Variants in SLC25A30 observed in about 807,000 individuals in gnomAD.
The protein encoded by SLC25A30 is kidney mitochondrial carrier protein 1.
Under a neutral mutation model 42.7 loss-of-function variants are expected in SLC25A30, and 29 were observed. The observed-to-expected ratio is 0.68, with a 90% confidence interval of 0.51 to 0.93. The LOEUF (loss-of-function observed/expected upper bound fraction) is 0.93. Among genes scored for constraint, SLC25A30 ranks in the 40% least tolerant of loss-of-function variants. The probability of loss-of-function intolerance (pLI) is 0.00; values close to 1 mark genes in which losing one functional copy is unlikely to be tolerated. For synonymous variants in SLC25A30, 124 were observed against 131.0 expected, an observed-to-expected ratio of 0.95 and a Z score of 0.37; for missense variants, 300 against 359.7, an observed-to-expected ratio of 0.83 and a Z score of 1.34.
chr13:45,416,873 G>A (rs1225133927), intron 1 of SLC25A30, among the ~76,000 whole-genome samples: 2 of 152,182 alleles, frequency 1.3e-5, no homozygotes, highest in African/African-American at 2.4e-5. Context: ...TATATGCTAA[G>A]TTACACATCC....
the SLC25A30 span, among the ~76,000 whole-genome samples, chr13:45,432,477 A>G: frequency 6.6e-6 from 1 of 152,130 alleles, no homozygotes; most frequent in Non-Finnish European, 1.5e-5. Context: ...TCATTATTCC[A>G]CACATCTCTT....
intron 5 of SLC25A30, 139 bp from the exon 6 acceptor site, chr13:45,402,509 G>C (rs1487178136): frequency 7.2e-6 from 5 of 691,806 alleles, no homozygotes; most frequent in Non-Finnish European, 1.2e-5. Flanking sequence ...TATAAATACT[G>C]CTATGATGCT....
At chr13:45,425,061 A>AGTATATATATAAATATATAAATATATAT in the SLC25A30 span, among the ~76,000 whole-genome samples, 166 of 4,784 alleles carry the variant, frequency 0.035, 40 homozygotes, top group Middle Eastern at 0.5. Context: ...TAAATATATA[A>AGTATATATATAAATATATAAATATATAT]GTATATATAC....
At chr13:45,398,663 A>G (rs2137627416) in intron 8 of SLC25A30, 1 of 272,648 alleles carries the variant, frequency 3.7e-6, no homozygotes, top group East Asian at 8.6e-5. Context: ...TACTAGTTTG[A>G]CCCAACAGGA....
chr13:45,401,565 C>T (rs1037863293), intron 6 of SLC25A30, among the ~76,000 whole-genome samples: 7 of 151,812 alleles, frequency 4.6e-5, no homozygotes, highest in Non-Finnish European at 1.0e-4. Context: ...CACTCTACAC[C>T]ACATGCTTGC....
intron 7 of SLC25A30, among the ~76,000 whole-genome samples, chr13:45,400,456 C>T (rs1434680843): frequency 5.3e-5 from 8 of 152,078 alleles, no homozygotes; most frequent in African/African-American, 1.7e-4. Context: ...AGTACTGACA[C>T]GAAGTCTGTA....
chr13:45,403,433 A>T (rs1174320772), intron 5 of SLC25A30, among the ~76,000 whole-genome samples: 1 of 152,216 alleles, frequency 6.6e-6, no homozygotes, highest in Non-Finnish European at 1.5e-5. Context: ...GTGGGGCAGA[A>T]AAAGAAAAGA....
the SLC25A30 span, among the ~76,000 whole-genome samples, chr13:45,423,741 A>AACATATATAAATATATATAAAT: frequency 8.1e-4 from 16 of 19,640 alleles, 1 homozygote; most frequent in South Asian, 1.9e-3. Context: ...AATATATATA[A>AACATATATAAATATATATAAAT]ATATATAAAT....
intron 1 of SLC25A30, among the ~76,000 whole-genome samples, chr13:45,414,635 T>TACACAC (rs145462442): frequency 0.083 from 11,646 of 139,916 alleles, 549 homozygotes; most frequent in African/African-American, 0.12. Context: ...CACACACACA[T>TACACAC]ACACACACAC....
At position 45,404,322 on chromosome 13, in the gene SLC25A30, C is replaced by T; in HGVS notation, c.393+5G>A. On this transcript the variant is annotated splice_donor_5th_base_variant and intron_variant, in intron 5 of 9. Transcript: ENST00000519676. ...TGCCTATAAGATATAGATAGCACAG[C>T]TTACTTTCAAAACATCAGTTGGATT... 1 of 1,602,254 alleles carries T rather than the reference C, an allele frequency of 6.2e-7. No homozygotes were observed. Among genetic ancestry groups the T allele is most frequent in the Non-Finnish European group, 8.6e-7 (1 of 1,169,458 alleles).
chr13:45,395,357 A>G lies in SLC25A30; in HGVS notation c.*617T>C. 1 of 986,626 alleles carries G rather than the reference A, an allele frequency of 1.0e-6. No individual in the cohort carries two copies. The highest frequency in any genetic ancestry group is 1.7e-5 in the African/African-American group (1 of 57,376). The allele number at this position is 986,626 out of a possible 1,614,324, so 61.1% of individuals were successfully genotyped here. A position where few individuals can be genotyped will look rare whatever the true frequency, so the allele number is the denominator to read the frequency against. ...TTATTACTTTGTAACAATTTCTCACAAATGTCAAGTCTTCAAAGCTTAAAA... is the reference window on the plus strand; with the variant it reads ...TTATTACTTTGTAACAATTTCTCACGAATGTCAAGTCTTCAAAGCTTAAAA... On this transcript the variant is annotated 3_prime_UTR_variant, in exon 10 of 10. Coordinates refer to ENST00000519676, the MANE Select transcript of SLC25A30 (RefSeq NM_001010875.4).
chr13:45,425,674 G>GTATATATAAATATATATATAAGTA, the SLC25A30 span, among the ~76,000 whole-genome samples: 2 of 58,818 alleles, frequency 3.4e-5, no homozygotes, highest in African/African-American at 9.0e-5. Flanking sequence ...ATATATATAA[G>GTATATATAAATATATATATAAGTA]TATATATAAA....
rs117699935 is a variant in SLC25A30 at position 45,409,022 on chromosome 13, C to T, written c.117G>A (p.Thr39=). The T allele has an allele frequency of 1.9e-5, 30 of 1,613,078 alleles. No individual in the cohort carries two copies. The highest frequency in any genetic ancestry group is 1.7e-4 in the Admixed American group (10 of 59,844). Residue 39 remains threonine, a synonymous_variant, in exon 3 of 10, where the codon ACG becomes ACA. Transcript: ENST00000519676. ...TAATTTCCTTAAATTTTGCATCATT[C>T]GTCTGGCCTTGAATCTGGAGCCGTG... The part of the protein sequence containing the change: ...TKTRLQIQGQ[T]NDAKFKEIRY...
intron 2 of SLC25A30, 48 bp from the exon 3 acceptor site, chr13:45,409,122 A>G (rs1257477187): frequency 6.2e-6 from 9 of 1,456,854 alleles, no homozygotes; most frequent in Non-Finnish European, 8.3e-6. Context: ...ATTCCACTAA[A>G]TAAAGGATAC....
At chr13:45,433,696 G>C in the SLC25A30 span, among the ~76,000 whole-genome samples, 4 of 152,138 alleles carry the variant, frequency 2.6e-5, no homozygotes, top group African/African-American at 9.7e-5. Context: ...TGAGGCTGGT[G>C]AAAAAAGTCT....
the SLC25A30 span, among the ~76,000 whole-genome samples, chr13:45,429,124 A>T: frequency 1.5e-5 from 2 of 131,496 alleles, no homozygotes; most frequent in East Asian, 4.6e-4. Flanking sequence ...TCTGGAGTGC[A>T]ATGGCGCAGT....
chr13:45,432,350 CA>C, the SLC25A30 span, among the ~76,000 whole-genome samples: 1 of 151,042 alleles, frequency 6.6e-6, no homozygotes, highest in Non-Finnish European at 1.5e-5. Context: ...AATAAATAGA[CA>C]TACTTGTTTC....
At chr13:45,424,528 TATATATAAATATATAA>T in the SLC25A30 span, among the ~76,000 whole-genome samples, 1 of 76,016 alleles carries the variant, frequency 1.3e-5, no homozygotes, top group African/African-American at 5.5e-5. Context: ...TATATAAAAA[TATATATAAATATATAA>T]ATATATAAAT....
At chr13:45,426,621 A>C in the SLC25A30 span, among the ~76,000 whole-genome samples, 5 of 152,054 alleles carry the variant, frequency 3.3e-5, no homozygotes, top group Non-Finnish European at 7.4e-5. Flanking sequence ...GTAAAAGGGG[A>C]AATGGCACAG....
Sources: gnomAD v4.1 joint callset for allele counts (sites outside exome capture counted in the v4.1 genomes callset) on GRCh38, gnomAD v4.1.1 for gene constraint, MANE v1.5 for transcripts, NCBI Gene and HGNC (gene_info 2026-07-23, HGNC 2026-07-21) for gene names.